AFG1L: variants seen among roughly 807,000 people sequenced by gnomAD.
AFG1L encodes AFG1-like ATPase.
A neutral mutation model predicts 62.2 loss-of-function variants in AFG1L; 53 were observed. The observed-to-expected ratio is 0.85, with a 90% CI of 0.68 to 1.07. The LOEUF is 1.07. Ranked by LOEUF, AFG1L falls within the 50% of genes least tolerant of loss-of-function variation. The probability of loss-of-function intolerance (pLI) is 0.00; values close to 1 mark genes in which losing one functional copy is unlikely to be tolerated. For missense variants in AFG1L, 555 were observed against 590.5 expected (o/e 0.94, Z 0.62); for synonymous variants, 228 against 210.3 (o/e 1.08, Z -0.73).
chr6:108,518,923 C>T (rs1365600720), intron 11 of AFG1L, among the ~76,000 whole-genome samples: 1 of 152,222 alleles, frequency 6.6e-6, no homozygotes, highest in Non-Finnish European at 1.5e-5. Context: ...TTTACAGTGT[C>T]CCTGGGGAGC....
intron 1 of AFG1L, among the ~76,000 whole-genome samples, chr6:108,299,090 G>A (rs781293794): frequency 1.1e-4 from 16 of 151,750 alleles, no homozygotes; most frequent in Admixed American, 5.3e-4. Flanking sequence ...GTGAAACCTC[G>A]TCTCTACTAA....
chr6:108,377,791 C>T (rs762180022), intron 6 of AFG1L, among the ~76,000 whole-genome samples: 3 of 150,204 alleles, frequency 2.0e-5, no homozygotes, highest in Non-Finnish European at 3.0e-5. Flanking sequence ...TGGATGTCTA[C>T]CTCCCTGGCA....
chr6:108,509,307 T>C (rs2114895166), intron 10 of AFG1L, among the ~76,000 whole-genome samples: 1 of 152,336 alleles, frequency 6.6e-6, no homozygotes, highest in East Asian at 1.9e-4. Context: ...CTGCCTCCAA[T>C]TATTCTGGAG....
chr6:108,336,312 C>T (rs1052128589), intron 2 of AFG1L, among the ~76,000 whole-genome samples: 4 of 152,092 alleles, frequency 2.6e-5, no homozygotes, highest in Admixed American at 6.5e-5. Flanking sequence ...AAGTAGTATT[C>T]CTGCATTTTA....
intron 3 of AFG1L, among the ~76,000 whole-genome samples, chr6:108,351,774 A>G (rs1438782411): frequency 6.6e-6 from 1 of 152,174 alleles, no homozygotes; most frequent in Non-Finnish European, 1.5e-5. Flanking sequence ...TTTCCAGTGT[A>G]TGATTCAGTA....
chr6:108,321,461 T>C (rs1053527853), intron 1 of AFG1L, among the ~76,000 whole-genome samples: 10 of 152,134 alleles, frequency 6.6e-5, no homozygotes, highest in African/African-American at 2.2e-4. Flanking sequence ...GGCTGAAAGT[T>C]CCAACCTTCT....
chr6:108,307,014 CT>C (rs1200943777), intron 1 of AFG1L, among the ~76,000 whole-genome samples: 6 of 149,106 alleles, frequency 4.0e-5, no homozygotes, highest in African/African-American at 7.4e-5. Flanking sequence ...TTTTTTCTTT[CT>C]TTTTTTTTGA....
intron 8 of AFG1L, among the ~76,000 whole-genome samples, chr6:108,454,986 C>T (rs908027291): frequency 1.3e-5 from 2 of 152,102 alleles, no homozygotes; most frequent in Non-Finnish European, 2.9e-5. Context: ...CTGTCTCTGG[C>T]AATCAAAGAA....
At chr6:108,466,598 A>G (rs1562178747) in intron 8 of AFG1L, among the ~76,000 whole-genome samples, 1 of 152,048 alleles carries the variant, frequency 6.6e-6, no homozygotes, top group Non-Finnish European at 1.5e-5. Flanking sequence ...CAGAGGAAAG[A>G]AAGGCCACAT....
chr6:108,482,018 G>A (rs573387057), intron 10 of AFG1L, among the ~76,000 whole-genome samples: 2 of 152,318 alleles, frequency 1.3e-5, no homozygotes, highest in Non-Finnish European at 2.9e-5. Flanking sequence ...GTGAAAATTA[G>A]AATTTTGGAA....
At chr6:108,358,323 T>G (rs191311553) in intron 5 of AFG1L, among the ~76,000 whole-genome samples, 72 of 152,328 alleles carry the variant, frequency 4.7e-4, no homozygotes, top group African/African-American at 1.7e-3. Flanking sequence ...AGAGGTTTAT[T>G]AATACCTAGC....
chr6:108,415,525 A>G (rs1346340504), intron 7 of AFG1L, among the ~76,000 whole-genome samples: 1 of 152,208 alleles, frequency 6.6e-6, no homozygotes, highest in Non-Finnish European at 1.5e-5. Context: ...AAACTATACT[A>G]CAAGGCTACA....
At chr6:108,310,492 T>C (rs1019020068) in intron 1 of AFG1L, among the ~76,000 whole-genome samples, 3 of 152,192 alleles carry the variant, frequency 2.0e-5, no homozygotes, top group Non-Finnish European at 4.4e-5. Flanking sequence ...TAAAAGTTCT[T>C]TATATATTCT....
chr6:108,396,995 G>A (rs1289414226), intron 6 of AFG1L, among the ~76,000 whole-genome samples: 1 of 151,960 alleles, frequency 6.6e-6, no homozygotes, highest in Non-Finnish European at 1.5e-5. Context: ...CTGTTGTGCT[G>A]TCAAATACTA....
At chr6:108,502,536 C>T (rs752878558) in intron 10 of AFG1L, among the ~76,000 whole-genome samples, 38 of 152,066 alleles carry the variant, frequency 2.5e-4, no homozygotes, top group Non-Finnish European at 3.4e-4. Flanking sequence ...GACAGGGTTT[C>T]CCCATGTTGG....
At chr6:108,385,825 G>A (rs1257275051) in intron 6 of AFG1L, among the ~76,000 whole-genome samples, 1 of 152,168 alleles carries the variant, frequency 6.6e-6, no homozygotes, top group African/African-American at 2.4e-5. Flanking sequence ...AGAACTTCCT[G>A]CGAGAATGAA....
At chr6:108,326,829 A>C (rs1312869558) in intron 2 of AFG1L, among the ~76,000 whole-genome samples, 1 of 152,130 alleles carries the variant, frequency 6.6e-6, no homozygotes, top group Non-Finnish European at 1.5e-5. Context: ...GCGTGGTGGC[A>C]GGTGCCTGTA....
chr6:108,400,741 A>C (rs2114627138), intron 6 of AFG1L, among the ~76,000 whole-genome samples: 1 of 126,160 alleles, frequency 7.9e-6, no homozygotes, highest in East Asian at 2.0e-4. Flanking sequence ...AATATATATT[A>C]TATATGATAT....
rs776545145 is a variant in AFG1L at position 108,477,309 on chromosome 6, G to A, written c.1062+17G>A. 32 of 1,499,390 alleles carry A rather than the reference G, an allele frequency of 2.1e-5. No individual in the cohort carries two copies. The highest frequency in any genetic ancestry group is 6.9e-5 in the East Asian group (3 of 43,584). The allele number at this position is 1,499,390 out of a possible 1,614,324, so 92.9% of individuals were successfully genotyped here. A position where few individuals can be genotyped will look rare whatever the true frequency, so the allele number is the denominator to read the frequency against. On this transcript the variant is annotated intron_variant, in intron 10 of 12. Transcript: ENST00000368977. The stretch of plus-strand genomic sequence containing the variant: ...TGTGAGAGAGTAAGTATCCAGGCAC[G>A]TCCAGACTCACTGGCCTTTTCACAT...
Sources: allele counts gnomAD v4.1 joint callset (sites outside exome capture counted in the v4.1 genomes callset), GRCh38; gene constraint gnomAD v4.1.1; transcripts MANE v1.5; gene names NCBI Gene and HGNC (gene_info 2026-07-23, HGNC 2026-07-21).